TEX264: variants seen among roughly 807,000 people sequenced by gnomAD.
The protein encoded by TEX264 is testis expressed 264, ER-phagy receptor.
Under a neutral mutation model 23.4 loss-of-function variants are expected in TEX264, and 13 were observed. The ratio of observed to expected loss-of-function variants is 0.56; its 90% CI spans 0.36 to 0.88. TEX264 has a LOEUF of 0.88. Ranked by LOEUF, TEX264 falls within the 40% of genes least tolerant of loss-of-function variation. The pLI, the probability that TEX264 is intolerant of heterozygous loss-of-function variation, is 0.01. For missense variants in TEX264, 340 were observed against 406.8 expected, an observed-to-expected ratio of 0.84 and a Z score of 1.41; for synonymous variants, 159 against 170.0, an observed-to-expected ratio of 0.94 and a Z score of 0.50.
intron 4 of TEX264, among the ~76,000 whole-genome samples, chr3:51,701,830 C>T (rs538942564): frequency 1.3e-5 from 2 of 152,200 alleles, no homozygotes; most frequent in Admixed American, 6.5e-5. Context: ...TGGGGTTTTG[C>T]CATGTTGGCC....
Position 51,703,198 on chromosome 3 carries a change from C to T in TEX264, c.650-526C>T, listed in dbSNP as rs1444424138. Among the ~76,000 whole-genome samples the T allele has an allele frequency of 1.3e-5, 2 of 152,246 alleles. No individual in the cohort carries two copies. Among genetic ancestry groups the T allele is most frequent in the South Asian group, 4.1e-4 (2 of 4,838 alleles). On this transcript the variant is annotated intron_variant, in intron 4 of 4. Transcript: ENST00000341333. The surrounding 1 kb of genome is among the most constrained non-coding windows in gnomAD (Gnocchi z 4.8). ...GCCTGCTGACTCCCTGGATGCTGCT[C>T]CTGGGAGCCCTGCACGGGGGAGGGC...
intron 2 of TEX264, among the ~76,000 whole-genome samples, chr3:51,679,461 C>T (rs368329245): frequency 6.6e-6 from 1 of 152,164 alleles, no homozygotes; most frequent in Non-Finnish European, 1.5e-5. Flanking sequence ...TTGTGCAGCC[C>T]GCTTTCACTA....
chr3:51,685,441 T>C (rs1702588716), intron 3 of TEX264, among the ~76,000 whole-genome samples: 1 of 152,240 alleles, frequency 6.6e-6, no homozygotes, highest in Admixed American at 6.5e-5. Context: ...GTGGTGAAGA[T>C]AGGTAATAAA....
chr3:51,691,790 G>C lies in TEX264; in HGVS notation c.480+7156G>C, dbSNP rs1702838492. On this transcript the variant is annotated intron_variant, in intron 3 of 4. Coordinates refer to ENST00000341333, the MANE Select transcript of TEX264 (RefSeq NM_015926.6). The surrounding 1 kb of genome is among the most constrained non-coding windows in gnomAD (Gnocchi z 4.4). Reference sequence around the variant, plus strand: ...AGTACCTAGGAGATGGGGAGGAAGAGCCAGAGGCCACAGTCAAATTCTGCA... The same window carrying C: ...AGTACCTAGGAGATGGGGAGGAAGACCCAGAGGCCACAGTCAAATTCTGCA... Among the ~76,000 whole-genome samples, 1 of 152,248 alleles carries C rather than the reference G, an allele frequency of 6.6e-6. No homozygotes were observed. The highest frequency in any genetic ancestry group is 6.5e-5 in the Admixed American group (1 of 15,290).
At chr3:51,692,354 T>C (rs1242914825) in intron 3 of TEX264, among the ~76,000 whole-genome samples, 2 of 152,124 alleles carry the variant, frequency 1.3e-5, no homozygotes, top group Non-Finnish European at 2.9e-5. Context: ...GCAGAACAAC[T>C]TCTTCTTCAG....
chr3:51,687,770 G>A (rs1046211987), intron 3 of TEX264, among the ~76,000 whole-genome samples: 1 of 152,194 alleles, frequency 6.6e-6, no homozygotes. Flanking sequence ...GGGAGGTGGA[G>A]AGCAGCTGCT....
Position 51,704,208 on chromosome 3 carries a change from G to A in TEX264, c.*192G>A. The A allele has an allele frequency of 2.2e-6, 1 of 463,820 alleles. No homozygotes were observed. The highest frequency in any genetic ancestry group is 4.1e-5 in the Admixed American group (1 of 24,148). 28.7% of individuals were successfully genotyped at this position (463,820 alleles called of 1,614,324 possible). A position where few individuals can be genotyped will look rare whatever the true frequency, so the allele number is the denominator to read the frequency against. ...GGCTCCCAGGGCCAGAGGAGCCAGG[G>A]ACTATTTTCTGCACCAGCCCCCAGG... On this transcript the variant is annotated 3_prime_UTR_variant, in exon 5 of 5. Coordinates refer to ENST00000341333, the MANE Select transcript of TEX264 (RefSeq NM_015926.6).
intron 2 of TEX264, among the ~76,000 whole-genome samples, chr3:51,679,950 C>T (rs1702364306): frequency 6.6e-6 from 1 of 152,090 alleles, no homozygotes; most frequent in African/African-American, 2.4e-5. Flanking sequence ...TGGGGGTTGG[C>T]GTGTTGACCT....
chr3:51,680,344 G>A (rs1314153422), intron 2 of TEX264, among the ~76,000 whole-genome samples: 1 of 152,214 alleles, frequency 6.6e-6, no homozygotes, highest in Non-Finnish European at 1.5e-5. Context: ...GGGGCCCCGA[G>A]ATGGCTGTCT....
chr3:51,703,123 G>A lies in TEX264; in HGVS notation c.650-601G>A, dbSNP rs187737896. Among the ~76,000 whole-genome samples the A allele has an allele frequency of 1.3e-5, 2 of 152,266 alleles. No homozygotes were observed. The highest frequency in any genetic ancestry group is 1.9e-4 in the East Asian group (1 of 5,172). ...TTCTCAGGCCTTCTCCATCCTCCTCGTACTTCAGCTCCCTCCTCAACTGGG... is the reference window on the plus strand; with the variant it reads ...TTCTCAGGCCTTCTCCATCCTCCTCATACTTCAGCTCCCTCCTCAACTGGG... On this transcript the variant is annotated intron_variant, in intron 4 of 4. Transcript: ENST00000341333. This position sits in a 1 kb window ranked among gnomAD's most constrained non-coding sequence, Gnocchi z 4.8.
intron 3 of TEX264, among the ~76,000 whole-genome samples, chr3:51,689,452 TA>T (rs60760403): frequency 0.017 from 2,024 of 121,014 alleles, 27 homozygotes; most frequent in African/African-American, 0.017. Flanking sequence ...GTAAAAACAT[TA>T]AAAAAAAAAA....
At chr3:51,698,647 C>T (rs1339086961) in intron 3 of TEX264, among the ~76,000 whole-genome samples, 2 of 152,152 alleles carry the variant, frequency 1.3e-5, no homozygotes, top group African/African-American at 2.4e-5. Context: ...AAAGGTGGTA[C>T]ATCAGCCCAC....
rs199677902 is a variant in TEX264 at position 51,674,425 on chromosome 3, C to T, written c.121C>T (p.Pro41Ser). Reference sequence around the variant, plus strand: ...TGGGGTGGAAGTGAGTGCTGGGTCACCCCCCATCCGCAACGTCACTGTGGC... The same window carrying T: ...TGGGGTGGAAGTGAGTGCTGGGTCATCCCCCATCCGCAACGTCACTGTGGC... ...LAGVEVSAGS[P>S]PIRNVTVAYK... The change falls in exon 2 of 5, where the codon CCC becomes TCC. Residue 41 changes from proline (P) to serine (S), a missense_variant. Transcript: ENST00000341333. 33 of 1,614,196 alleles carry T rather than the reference C, an allele frequency of 2.0e-5. No homozygotes were observed. In the Admixed American group the frequency reaches 4.0e-4, roughly 20 times the overall value.
chr3:51,680,828 C>G (rs906060815), intron 2 of TEX264, among the ~76,000 whole-genome samples: 3 of 152,244 alleles, frequency 2.0e-5, no homozygotes, highest in African/African-American at 4.8e-5. Context: ...TCTTGCCCAT[C>G]AGGACATCCC....
chr3:51,679,274 G>C (rs1044567667), intron 2 of TEX264, among the ~76,000 whole-genome samples: 2 of 152,112 alleles, frequency 1.3e-5, no homozygotes, highest in Admixed American at 6.5e-5. Flanking sequence ...TAATGATATG[G>C]CCCAATACCC....
chr3:51,701,114 T>C (rs1703284913), intron 4 of TEX264, among the ~76,000 whole-genome samples: 1 of 152,192 alleles, frequency 6.6e-6, no homozygotes, highest in African/African-American at 2.4e-5. Context: ...TTTGATCGTC[T>C]TGCACTGGCT....
At chr3:51,689,328 G>T (rs1425783206) in intron 3 of TEX264, among the ~76,000 whole-genome samples, 2 of 152,000 alleles carry the variant, frequency 1.3e-5, no homozygotes, top group African/African-American at 4.8e-5. Context: ...TACTCGGGAG[G>T]CTGAGACAGG....
At chr3:51,684,908 C>G (rs1237465486) in intron 3 of TEX264, among the ~76,000 whole-genome samples, 3 of 152,172 alleles carry the variant, frequency 2.0e-5, no homozygotes, top group Non-Finnish European at 4.4e-5. Context: ...TGGCTTTGAC[C>G]AAAGACATCC....
At chr3:51,681,466 G>C (rs928768117) in intron 2 of TEX264, 1 of 152,478 alleles carries the variant, frequency 6.6e-6, no homozygotes, top group South Asian at 2.1e-4. Context: ...GGGCTGCTTG[G>C]TGGAGAGCAA....
Sources: allele counts gnomAD v4.1 joint callset (sites outside exome capture counted in the v4.1 genomes callset), GRCh38; gene constraint gnomAD v4.1.1; non-coding constraint Gnocchi (gnomAD v3.1); transcripts MANE v1.5; gene names NCBI Gene and HGNC (gene_info 2026-07-23, HGNC 2026-07-21).